PEBP4: variants seen among roughly 807,000 people sequenced by gnomAD.
PEBP4 encodes the protein phosphatidylethanolamine binding protein 4.
In PEBP4, 22 loss-of-function variants were observed where a neutral mutation model predicts 23.9. The observed-to-expected ratio is 0.92, with a 90% CI of 0.66 to 1.31. PEBP4 has a LOEUF of 1.31. PEBP4 is among the 40% of genes most tolerant of loss of function. The pLI, the probability that PEBP4 is intolerant of heterozygous loss-of-function variation, is 0.00. For missense variants in PEBP4, 324 were observed against 281.7 expected (o/e 1.15, Z -1.07); for synonymous variants, 112 against 99.3 (o/e 1.13, Z -0.76).
At chr8:22,727,509 G>T (rs903044483) in intron 4 of PEBP4, among the ~76,000 whole-genome samples, 3 of 152,096 alleles carry the variant, frequency 2.0e-5, no homozygotes, top group African/African-American at 7.2e-5. Context: ...TCCCTCTAGA[G>T]AGGCCCTGTA....
At chr8:22,786,112 C>T (rs745955492) in intron 4 of PEBP4, among the ~76,000 whole-genome samples, 10 of 152,178 alleles carry the variant, frequency 6.6e-5, no homozygotes, top group African/African-American at 1.4e-4. Flanking sequence ...TCCCCTTCAT[C>T]CGGCTTTTTG....
intron 4 of PEBP4, among the ~76,000 whole-genome samples, chr8:22,728,593 T>C (rs901110726): frequency 1.2e-4 from 16 of 138,150 alleles, no homozygotes; most frequent in Non-Finnish European, 2.5e-4. Flanking sequence ...CCTTCCTTCC[T>C]TCCTTCCTTC....
chr8:22,768,632 C>G (rs1319230090), intron 4 of PEBP4, among the ~76,000 whole-genome samples: 6 of 152,110 alleles, frequency 3.9e-5, no homozygotes, highest in African/African-American at 7.2e-5. Context: ...GGGCCTCGGC[C>G]CAGTCAATAC....
intron 4 of PEBP4, among the ~76,000 whole-genome samples, chr8:22,760,471 T>A (rs538900490): frequency 9.9e-5 from 15 of 152,202 alleles, no homozygotes; most frequent in Middle Eastern, 3.4e-3. Context: ...TAGTAGGTGC[T>A]TGGTGGATGC....
intron 3 of PEBP4, 128 bp from the exon 4 acceptor site, chr8:22,817,863 T>A: frequency 1.3e-6 from 1 of 772,470 alleles, no homozygotes; most frequent in Non-Finnish European, 2.2e-6. Flanking sequence ...TCCCATCCAG[T>A]TTATCCTTGC....
At chr8:22,719,458 C>T (rs933258592) in intron 6 of PEBP4, among the ~76,000 whole-genome samples, 2 of 152,180 alleles carry the variant, frequency 1.3e-5, no homozygotes, top group Non-Finnish European at 2.9e-5. Context: ...TTCTGAGGCT[C>T]AGCCACAGCC....
At chr8:22,784,652 C>A (rs1469354853) in intron 4 of PEBP4, among the ~76,000 whole-genome samples, 1 of 152,150 alleles carries the variant, frequency 6.6e-6, no homozygotes, top group Non-Finnish European at 1.5e-5. Context: ...AATAAGCAGC[C>A]GCCCGGGTGT....
chr8:22,796,387 CAG>C (rs1165222348), intron 4 of PEBP4, among the ~76,000 whole-genome samples: 1 of 152,144 alleles, frequency 6.6e-6, no homozygotes, highest in Non-Finnish European at 1.5e-5. Flanking sequence ...CAGTGCCCAG[CAG>C]AGTGCTGAAC....
At chr8:22,792,995 T>G (rs928404269) in intron 4 of PEBP4, among the ~76,000 whole-genome samples, 7 of 152,196 alleles carry the variant, frequency 4.6e-5, no homozygotes, top group Admixed American at 1.3e-4. Context: ...AAGTACAATT[T>G]TAAAATTGGA....
rs1200543947 is a variant in PEBP4 at position 22,837,968 on chromosome 8, G to A, written c.259-20233C>T. Among the ~76,000 whole-genome samples the A allele has an allele frequency of 3.6e-5, 5 of 139,456 alleles. No individual in the cohort carries two copies. The East Asian group carries it at 6.3e-4, about 18-fold the overall frequency. 91.5% of individuals were successfully genotyped at this position (139,456 alleles called of 152,430 possible). ...AGCTGGAGTGCAGTGGTGTGATCTC[G>A]GCTCACTGCAACCTCAATCTCCTGG... On this transcript the variant is annotated intron_variant, in intron 3 of 6. Coordinates refer to ENST00000256404, the MANE Select transcript of PEBP4 (RefSeq NM_144962.3).
rs548028925 is a variant in PEBP4, at chr8:22,739,504, G to A, written c.358-12284C>T. The stretch of plus-strand genomic sequence containing the variant: ...GAGGGGACCAATACACTGGGAGGAA[G>A]TGACCTGACCAGACCTTTGCTCTCT... On this transcript the variant is annotated intron_variant, in intron 4 of 6. Transcript: ENST00000256404. Among the ~76,000 whole-genome samples, 7 of 152,282 alleles carry A rather than the reference G, an allele frequency of 4.6e-5. No homozygotes were observed. The South Asian group carries it at 1.5e-3, about 32-fold the overall frequency.
chr8:22,920,310 C>T lies in PEBP4; in HGVS notation c.132G>A (p.Gln44=), dbSNP rs2128780689. The change falls in exon 3 of 7, where the codon CAG becomes CAA. Residue 44 remains glutamine (Q), a splice_region_variant and synonymous_variant. Transcript: ENST00000256404. ...ALLDEDTLFC[Q]GLEVFYPELG... is the part of the protein sequence containing the mutation. Reference sequence around the variant, plus strand: ...ACTCTGGGTAGAAAACTTCAAGGCCCCTATGAAGAGAGAGGGGAGGTTGCC... The same window carrying T: ...ACTCTGGGTAGAAAACTTCAAGGCCTCTATGAAGAGAGAGGGGAGGTTGCC... 6.2e-7 allele frequency: 1 copy of T among 1,609,942 alleles called. No homozygotes were observed. The highest frequency in any genetic ancestry group is 8.5e-7 in the Non-Finnish European group (1 of 1,176,654).
chr8:22,719,746 A>T (rs932401622), intron 6 of PEBP4, among the ~76,000 whole-genome samples: 10 of 151,952 alleles, frequency 6.6e-5, no homozygotes, highest in African/African-American at 2.4e-4. Context: ...GGTAGGGGTG[A>T]TGGCCACTGT....
In PEBP4 at chr8:22,865,489, C is replaced by A. The variant is rs1002246700; in HGVS notation, c.259-47754G>T. ...GAGGTGGAGCGCGCCACCGCCCCCC[C>A]GGCCGCGCAGCGAGAAGGAGCCTCG... On this transcript the variant is annotated intron_variant, in intron 3 of 6. Coordinates refer to ENST00000256404, the MANE Select transcript of PEBP4 (RefSeq NM_144962.3). The surrounding 1 kb of genome is among the most constrained non-coding windows in gnomAD (Gnocchi z 6.9). Among the ~76,000 whole-genome samples the A allele has an allele frequency of 1.3e-5, 2 of 152,094 alleles. No individual in the cohort carries two copies. Among genetic ancestry groups the A allele is most frequent in the African/African-American group, 4.8e-5 (2 of 41,424 alleles).
intron 4 of PEBP4, among the ~76,000 whole-genome samples, chr8:22,730,795 C>T (rs1006175749): frequency 6.6e-6 from 1 of 152,176 alleles, no homozygotes; most frequent in Admixed American, 6.5e-5. Flanking sequence ...CTGAAGGAGG[C>T]TGAAAGTTGG....
intron 3 of PEBP4, among the ~76,000 whole-genome samples, chr8:22,848,826 G>A (rs1045402655): frequency 6.6e-6 from 1 of 152,232 alleles, no homozygotes. Context: ...ACTGCTGAGG[G>A]AGCGGAATTG....
At chr8:22,840,057 T>C (rs553183808) in intron 3 of PEBP4, among the ~76,000 whole-genome samples, 2 of 152,124 alleles carry the variant, frequency 1.3e-5, no homozygotes, top group African/African-American at 4.8e-5. Context: ...GTTGGGGAAA[T>C]TTTTTTCTGT....
chr8:22,875,685 GT>G (rs1808105239), intron 3 of PEBP4, among the ~76,000 whole-genome samples: 1 of 152,050 alleles, frequency 6.6e-6, no homozygotes, highest in Non-Finnish European at 1.5e-5. Flanking sequence ...AGGTTGTCTA[GT>G]TCCAGTCCCC....
intron 3 of PEBP4, among the ~76,000 whole-genome samples, chr8:22,917,931 A>G (rs146613636): frequency 6.6e-6 from 1 of 152,354 alleles, no homozygotes; most frequent in East Asian, 1.9e-4. Flanking sequence ...CAGCACAGAA[A>G]AAAACAATCA....
Sources: allele counts gnomAD v4.1 joint callset (sites outside exome capture counted in the v4.1 genomes callset), GRCh38; gene constraint gnomAD v4.1.1; non-coding constraint Gnocchi (gnomAD v3.1); transcripts MANE v1.5; gene names NCBI Gene and HGNC (gene_info 2026-07-23, HGNC 2026-07-21).